PHEX: variants seen among roughly 807,000 people sequenced by gnomAD.
PHEX encodes phosphate regulating endopeptidase X-linked.
A neutral mutation model predicts 68.0 loss-of-function variants in PHEX; 16 were observed. That is an observed-to-expected ratio of 0.24 (90% confidence interval 0.16 to 0.36). The LOEUF (loss-of-function observed/expected upper bound fraction) is 0.36. Ranked by LOEUF, PHEX falls within the 10% of genes least tolerant of loss-of-function variation. PHEX has a pLI of 1.00. For missense variants in PHEX, 480 were observed against 575.5 expected, an observed-to-expected ratio of 0.83 and a Z score of 1.70; for synonymous variants, 208 against 205.1, an observed-to-expected ratio of 1.01 and a Z score of -0.12.
intron 15 of PHEX, among the ~76,000 whole-genome samples, chrX:22,194,320 T>G (rs192005021): frequency 2.9e-4 from 32 of 111,856 alleles, no homozygotes; most frequent in African/African-American, 1.0e-3. Context: ...TTTGGGTGAC[T>G]TTTTTTTCCC....
At chrX:22,131,786 G>T (rs184411956) in intron 11 of PHEX, among the ~76,000 whole-genome samples, 19 of 112,355 alleles carry the variant, frequency 1.7e-4, no homozygotes, top group Middle Eastern at 9.2e-3. Context: ...GTTCATTCTG[G>T]GGCCAAACCC....
At chrX:22,086,293 G>T (rs964198026) in intron 5 of PHEX, among the ~76,000 whole-genome samples, 6 of 111,709 alleles carry the variant, frequency 5.4e-5, no homozygotes, top group Non-Finnish European at 9.4e-5. Flanking sequence ...TCCAGGGCTG[G>T]GTATGGTAGT....
At position 22,250,995 on chromosome X, in the gene PHEX, C is replaced by G; in HGVS notation, c.*3042C>G. Reference sequence around the variant, plus strand: ...ACTGACCTGTGGATTAAACTCTATCCCTTAGATTATCCCATTTCTAAATAC... The same window carrying G: ...ACTGACCTGTGGATTAAACTCTATCGCTTAGATTATCCCATTTCTAAATAC... On this transcript the variant is annotated 3_prime_UTR_variant, in exon 22 of 22. Transcript: ENST00000379374. 1 of 111,942 alleles carries G rather than the reference C, an allele frequency of 8.9e-6. No homozygotes were observed. The highest frequency in any genetic ancestry group is 1.9e-5 in the Non-Finnish European group (1 of 53,212). 9.2% of individuals were successfully genotyped at this position (111,942 alleles called of 1,213,427 possible). A position where few individuals can be genotyped will look rare whatever the true frequency, so the allele number is the denominator to read the frequency against.
chrX:22,167,043 C>T (rs755142113), intron 12 of PHEX, among the ~76,000 whole-genome samples: 2 of 111,834 alleles, frequency 1.8e-5, no homozygotes, highest in Non-Finnish European at 3.8e-5. Flanking sequence ...TTAATCCATT[C>T]CTCTGTTAAT....
chrX:22,113,517 T>A (rs1211238165), intron 10 of PHEX, among the ~76,000 whole-genome samples: 1 of 112,117 alleles, frequency 8.9e-6, no homozygotes, highest in Non-Finnish European at 1.9e-5. Flanking sequence ...CTTGGGAAAC[T>A]TCTTACTTGT....
chrX:22,111,965 G>T (rs1354748592), intron 10 of PHEX, among the ~76,000 whole-genome samples: 1 of 111,821 alleles, frequency 8.9e-6, no homozygotes, highest in Non-Finnish European at 1.9e-5. Context: ...TTTAAAATGT[G>T]CATGATAGAG....
rs755595286 is a variant in PHEX at position 22,077,547 on chromosome X, C to G, written c.508C>G (p.Leu170Val). The part of the protein sequence containing the change: ...LRHSPFRWPV[L>V]ESNIGPEGVW... ...GCATTCACCTTTCCGCTGGCCCGTG[C>G]TTGAATCTAATATTGGCCCTGAAGG... Residue 170 changes from leucine (L) to valine (V), a missense_variant, in exon 5 of 22, where the codon CTT becomes GTT. Physicochemically the swap from Leu to Val is conservative, Grantham distance 32. Coordinates refer to ENST00000379374, the MANE Select transcript of PHEX (RefSeq NM_000444.6). 4.1e-6 allele frequency: 5 copies of G among 1,211,707 alleles called. No homozygotes were observed. The highest frequency in any genetic ancestry group is 1.8e-5 in the South Asian group (1 of 57,033).
intron 12 of PHEX, among the ~76,000 whole-genome samples, chrX:22,139,365 C>A (rs1932361192): frequency 8.9e-6 from 1 of 111,823 alleles, no homozygotes; most frequent in Admixed American, 9.5e-5. Context: ...GGATGCATTT[C>A]TTTTCTCTGG....
intron 2 of PHEX, among the ~76,000 whole-genome samples, chrX:22,038,847 C>G: frequency 9.0e-6 from 1 of 111,719 alleles, no homozygotes; most frequent in Non-Finnish European, 1.9e-5. Context: ...CTTCCTATGG[C>G]TCCGCTGGCT....
intron 11 of PHEX, among the ~76,000 whole-genome samples, chrX:22,121,646 C>A (rs1931492534): frequency 8.9e-6 from 1 of 112,186 alleles, no homozygotes; most frequent in Admixed American, 9.4e-5. Context: ...TAAAGCAGAG[C>A]AAATCTATTA....
chrX:22,230,226 GCTCT>G (rs1935668720), intron 20 of PHEX, among the ~76,000 whole-genome samples: 1 of 65,193 alleles, frequency 1.5e-5, no homozygotes, highest in Non-Finnish European at 2.8e-5. Context: ...GGCTATATGG[GCTCT>G]TTTTTTTTTT....
intron 2 of PHEX, among the ~76,000 whole-genome samples, chrX:22,044,497 A>C (rs1189880053): frequency 9.0e-6 from 1 of 110,853 alleles, no homozygotes; most frequent in Non-Finnish European, 1.9e-5. Context: ...GGATCATGAG[A>C]TCAGGAGATC....
intron 10 of PHEX, among the ~76,000 whole-genome samples, chrX:22,113,965 T>TTTTC (rs1931112627): frequency 2.0e-5 from 2 of 98,742 alleles, no homozygotes; most frequent in Non-Finnish European, 4.1e-5. Flanking sequence ...TTTTTTTTTT[T>TTTTC]TCCAGACAGA....
At chrX:22,073,451 G>A (rs1256983860) in intron 3 of PHEX, among the ~76,000 whole-genome samples, 1 of 111,275 alleles carries the variant, frequency 9.0e-6, no homozygotes, top group African/African-American at 3.3e-5. Flanking sequence ...GCTGCAACTG[G>A]AACCCATGTC....
chrX:22,072,352 C>A (rs111298698), intron 3 of PHEX, among the ~76,000 whole-genome samples: 2,155 of 107,824 alleles, frequency 0.02, 51 homozygotes, highest in African/African-American at 0.068. Flanking sequence ...TGGAGATTGC[C>A]GTGAGCCGAG....
intron 6 of PHEX, 46 bp downstream of exon 6, chrX:22,090,543 C>G (rs758289641): frequency 1.1e-6 from 1 of 931,448 alleles, no homozygotes; most frequent in East Asian, 3.1e-5. Flanking sequence ...AGGCTGCTGT[C>G]AGGCCCATTA....
intron 12 of PHEX, among the ~76,000 whole-genome samples, chrX:22,133,852 C>T (rs957599465): frequency 5.4e-5 from 6 of 111,958 alleles, no homozygotes; most frequent in Admixed American, 4.7e-4. Flanking sequence ...CCTTGTAATT[C>T]GGCCTTTCCT....
intron 12 of PHEX, among the ~76,000 whole-genome samples, chrX:22,148,045 T>C (rs1290326032): frequency 9.0e-6 from 1 of 111,087 alleles, no homozygotes; most frequent in Non-Finnish European, 1.9e-5. Flanking sequence ...CATAACAAAT[T>C]ACCCCAAAAC....
intron 20 of PHEX, among the ~76,000 whole-genome samples, chrX:22,240,827 C>CACTGTCAACACT (rs1936163366): frequency 1.8e-5 from 2 of 111,347 alleles, no homozygotes; most frequent in African/African-American, 6.5e-5. Context: ...TTTAACACCC[C>CACTGTCAACACT]ACTGTCAACA....
Sources: allele counts gnomAD v4.1 joint callset (sites outside exome capture counted in the v4.1 genomes callset), GRCh38; gene constraint gnomAD v4.1.1; transcripts MANE v1.5; gene names NCBI Gene and HGNC (gene_info 2026-07-23, HGNC 2026-07-21).